DTNBP1: variants seen among roughly 807,000 people sequenced by gnomAD.
DTNBP1 encodes the protein dystrobrevin binding protein 1, also known as dysbindin.
DTNBP1 carries 35 observed loss-of-function variants against 42.8 expected under a neutral mutation model. That is an observed-to-expected ratio of 0.82 (90% CI 0.63 to 1.09). The LOEUF (loss-of-function observed/expected upper bound fraction) is 1.09, where lower values mean the gene tolerates loss of function less well. DTNBP1 is among the 50% of genes least tolerant of loss of function. DTNBP1 has a pLI of 0.00. For synonymous variants in DTNBP1, 171 were observed against 162.2 expected, an observed-to-expected ratio of 1.05 and a Z score of -0.41; for missense variants, 457 against 424.2, an observed-to-expected ratio of 1.08 and a Z score of -0.68.
chr6:15,579,918 T>C (rs1411012962), intron 7 of DTNBP1: 3 of 429,504 alleles, frequency 7.0e-6, no homozygotes, highest in Admixed American at 2.5e-5. Context: ...ATTACATATA[T>C]GTATCAAAAC....
chr6:15,572,820 C>T (rs1215479894), intron 7 of DTNBP1, among the ~76,000 whole-genome samples: 1 of 152,184 alleles, frequency 6.6e-6, no homozygotes, highest in African/African-American at 2.4e-5. Flanking sequence ...CACCTTCAAC[C>T]TCCCTGACGT....
intron 6 of DTNBP1, among the ~76,000 whole-genome samples, chr6:15,607,093 C>T (rs555651831): frequency 6.6e-6 from 1 of 151,234 alleles, no homozygotes; most frequent in Non-Finnish European, 1.5e-5. Context: ...TCACTGCAAC[C>T]TCCCGGTCCT....
At chr6:15,567,706 G>A (rs1259075333) in intron 7 of DTNBP1, among the ~76,000 whole-genome samples, 1 of 152,190 alleles carries the variant, frequency 6.6e-6, no homozygotes, top group Non-Finnish European at 1.5e-5. Context: ...AAATCAAGCT[G>A]TAAGCCAACC....
chr6:15,534,226 G>A (rs766314746), intron 7 of DTNBP1, among the ~76,000 whole-genome samples: 3 of 152,206 alleles, frequency 2.0e-5, no homozygotes, highest in Non-Finnish European at 4.4e-5. Flanking sequence ...TTTACAAGAC[G>A]AAAGACATCT....
intron 7 of DTNBP1, among the ~76,000 whole-genome samples, chr6:15,546,971 G>C (rs910093931): frequency 1.5e-4 from 20 of 129,874 alleles, no homozygotes; most frequent in African/African-American, 5.0e-4. Context: ...CTTCAGTCTA[G>C]AAGCTTTGTG....
chr6:15,544,448 CG>C (rs1561948749), intron 7 of DTNBP1, among the ~76,000 whole-genome samples: 2 of 152,176 alleles, frequency 1.3e-5, no homozygotes, highest in Non-Finnish European at 1.5e-5. Context: ...CTGGGTCATA[CG>C]GTAAGTTCAT....
At chr6:15,651,454 T>C (rs1760992648) in intron 2 of DTNBP1, 91 bp from the exon 3 acceptor site, 21 of 1,502,644 alleles carry the variant, frequency 1.4e-5, no homozygotes, top group Non-Finnish European at 1.8e-5. Flanking sequence ...ACATTGTCAA[T>C]TGTAATATAT....
At chr6:15,535,887 G>C (rs891615072) in intron 7 of DTNBP1, among the ~76,000 whole-genome samples, 1 of 152,210 alleles carries the variant, frequency 6.6e-6, no homozygotes, top group African/African-American at 2.4e-5. Flanking sequence ...CTCAGATGGA[G>C]ATGAGGAACT....
chr6:15,627,806 A>T (rs1759440539), intron 4 of DTNBP1, among the ~76,000 whole-genome samples: 1 of 151,870 alleles, frequency 6.6e-6, no homozygotes, highest in Admixed American at 6.6e-5. Flanking sequence ...AAAAAAACAA[A>T]AACAAAAAAC....
intron 6 of DTNBP1, among the ~76,000 whole-genome samples, chr6:15,606,563 A>T (rs1449702806): frequency 6.6e-6 from 1 of 152,164 alleles, no homozygotes; most frequent in Non-Finnish European, 1.5e-5. Context: ...TGGGAGCTGA[A>T]TGAGAAAAGC....
chr6:15,560,713 T>G (rs1392083458), intron 7 of DTNBP1, among the ~76,000 whole-genome samples: 2 of 152,224 alleles, frequency 1.3e-5, no homozygotes, highest in Non-Finnish European at 2.9e-5. Flanking sequence ...TGACCTGTGG[T>G]AAGTAAAGAA....
At chr6:15,553,550 C>A (rs1774334520) in intron 7 of DTNBP1, among the ~76,000 whole-genome samples, 1 of 130,808 alleles carries the variant, frequency 7.6e-6, no homozygotes, top group Non-Finnish European at 1.6e-5. Flanking sequence ...CAACTTCATT[C>A]TATTCTTCAT....
intron 3 of DTNBP1, among the ~76,000 whole-genome samples, chr6:15,644,051 G>A (rs1206910284): frequency 6.6e-6 from 1 of 151,944 alleles, no homozygotes; most frequent in African/African-American, 2.4e-5. Context: ...TATCTCACAT[G>A]TAATGACACC....
intron 7 of DTNBP1, among the ~76,000 whole-genome samples, chr6:15,577,717 T>C (rs1172831908): frequency 6.6e-6 from 1 of 152,098 alleles, no homozygotes; most frequent in African/African-American, 2.4e-5. Flanking sequence ...TAAACCAGTC[T>C]AGAATTTAGG....
At chr6:15,530,393 C>T (rs912903409) in intron 8 of DTNBP1, among the ~76,000 whole-genome samples, 3 of 152,172 alleles carry the variant, frequency 2.0e-5, no homozygotes, top group African/African-American at 7.2e-5. Context: ...CATATATTGG[C>T]GACATGTGCC....
intron 4 of DTNBP1, among the ~76,000 whole-genome samples, chr6:15,634,985 T>C (rs541865238): frequency 1.6e-4 from 24 of 152,304 alleles, no homozygotes; most frequent in African/African-American, 5.8e-4. Flanking sequence ...GATAGAAAAA[T>C]GTTTTTATCT....
intron 3 of DTNBP1, among the ~76,000 whole-genome samples, chr6:15,643,423 C>T (rs1238971294): frequency 6.6e-6 from 1 of 152,014 alleles, no homozygotes; most frequent in African/African-American, 2.4e-5. Flanking sequence ...AAGCTGAAAT[C>T]TAGAATCAAG....
At position 15,662,975 on chromosome 6, in the gene DTNBP1, C is replaced by G. The variant is rs1271501470; in HGVS notation, c.-106G>C. The G allele has an allele frequency of 6.7e-7, 1 of 1,491,234 alleles. No individual in the cohort carries two copies. The highest frequency in any genetic ancestry group is 1.4e-5 in the African/African-American group (1 of 71,982). 92.4% of individuals were successfully genotyped at this position (1,491,234 alleles called of 1,614,324 possible). ...CCGCGCTGTCACCGCGCGCCCCGCA[C>G]TCCCACTACCGGCCCCGCCCCCGGT... On this transcript the variant is annotated 5_prime_UTR_variant, in exon 1 of 10. Coordinates refer to ENST00000344537, the MANE Select transcript of DTNBP1 (RefSeq NM_032122.5).
At chr6:15,560,307 A>G (rs1342212210) in intron 7 of DTNBP1, among the ~76,000 whole-genome samples, 1 of 152,190 alleles carries the variant, frequency 6.6e-6, no homozygotes, top group East Asian at 1.9e-4. Flanking sequence ...CTGTCTCAAA[A>G]AAAAAAAAAG....
Sources: allele counts gnomAD v4.1 joint callset (sites outside exome capture counted in the v4.1 genomes callset), GRCh38; gene constraint gnomAD v4.1.1; transcripts MANE v1.5; gene names NCBI Gene and HGNC (gene_info 2026-07-23, HGNC 2026-07-21).